Variants in SHLD1 observed in about 807,000 individuals in gnomAD.
SHLD1 encodes shieldin complex subunit 1.
SHLD1 carries 3 observed loss-of-function variants against 5.5 expected under a neutral mutation model. That is an observed-to-expected ratio of 0.54 (90% CI 0.25 to 1.40). The LOEUF (loss-of-function observed/expected upper bound fraction) is 1.40, where lower values mean the gene tolerates loss of function less well. SHLD1 is among the 40% of genes most tolerant of loss of function. The pLI, the probability that SHLD1 is intolerant of heterozygous loss-of-function variation, is 0.15. For synonymous variants in SHLD1, 92 were observed against 94.3 expected, an observed-to-expected ratio of 0.98 and a Z score of 0.14; for missense variants, 210 against 244.4, an observed-to-expected ratio of 0.86 and a Z score of 0.94.
At chr20:5,781,313 G>C (rs1482467670) in intron 2 of SHLD1, among the ~76,000 whole-genome samples, 1 of 152,114 alleles carries the variant, frequency 6.6e-6, no homozygotes, top group African/African-American at 2.4e-5. Context: ...TGGGAGGATT[G>C]CTTGAGCCCA....
intron 2 of SHLD1, among the ~76,000 whole-genome samples, chr20:5,840,462 A>G (rs755255335): frequency 8.5e-5 from 13 of 152,194 alleles, no homozygotes; most frequent in African/African-American, 3.1e-4. Context: ...GAGATGGGAC[A>G]TAGGACCTTC....
At chr20:5,764,139 A>T (rs60433587) in intron 1 of SHLD1, among the ~76,000 whole-genome samples, 31,640 of 95,168 alleles carry the variant, frequency 0.33, 6,972 homozygotes, top group East Asian at 0.63. Context: ...AAAAAAAAAA[A>T]ATATATATAT....
At chr20:5,861,409 C>T (rs1286097043) in intron 2 of SHLD1, among the ~76,000 whole-genome samples, 1 of 152,194 alleles carries the variant, frequency 6.6e-6, no homozygotes, top group Non-Finnish European at 1.5e-5. Flanking sequence ...AGATGAGGGA[C>T]ATGATCTTCA....
At chr20:5,764,135 A>ATAT (rs1467661351) in intron 1 of SHLD1, among the ~76,000 whole-genome samples, 46 of 96,236 alleles carry the variant, frequency 4.8e-4, no homozygotes, top group Middle Eastern at 4.6e-3. Context: ...TCAAAAAAAA[A>ATAT]AAAAATATAT....
At chr20:5,767,840 A>G (rs1984928661) in intron 1 of SHLD1, among the ~76,000 whole-genome samples, 1 of 152,166 alleles carries the variant, frequency 6.6e-6, no homozygotes, top group South Asian at 2.1e-4. Context: ...AGCTTAATTA[A>G]AGAGTCTTTG....
chr20:5,768,658 C>G (rs898339820), intron 1 of SHLD1, among the ~76,000 whole-genome samples: 1 of 152,224 alleles, frequency 6.6e-6, no homozygotes, highest in Non-Finnish European at 1.5e-5. Flanking sequence ...ATATACCCTT[C>G]TAGACATTTT....
intron 1 of SHLD1, among the ~76,000 whole-genome samples, chr20:5,752,255 G>A (rs545310858): frequency 9.2e-5 from 14 of 152,186 alleles, no homozygotes; most frequent in African/African-American, 3.1e-4. Flanking sequence ...AATTAGCCAG[G>A]CACGGTGGCG....
intron 2 of SHLD1, among the ~76,000 whole-genome samples, chr20:5,789,670 G>T (rs2087111446): frequency 6.6e-6 from 1 of 151,220 alleles, no homozygotes; most frequent in Admixed American, 6.6e-5. Context: ...ATTTCTCCTT[G>T]TTCTTCCCTG....
chr20:5,785,376 G>A (rs879669542), intron 2 of SHLD1, among the ~76,000 whole-genome samples: 9 of 152,116 alleles, frequency 5.9e-5, no homozygotes, highest in Non-Finnish European at 8.8e-5. Flanking sequence ...AGAGAGGCTC[G>A]TTTCATATTA....
At chr20:5,838,472 A>G (rs1354690983) in intron 2 of SHLD1, among the ~76,000 whole-genome samples, 1 of 152,232 alleles carries the variant, frequency 6.6e-6, no homozygotes, top group East Asian at 1.9e-4. Context: ...ATTAAAAGAT[A>G]AATTTTGGCA....
chr20:5,849,737 A>G (rs1298194058), intron 2 of SHLD1, among the ~76,000 whole-genome samples: 1 of 151,770 alleles, frequency 6.6e-6, no homozygotes, highest in Non-Finnish European at 1.5e-5. Context: ...AGGCGGGTGG[A>G]TCATGAGGTC....
chr20:5,758,356 GGA>G (rs1298824660), intron 1 of SHLD1, among the ~76,000 whole-genome samples: 245 of 129,516 alleles, frequency 1.9e-3, no homozygotes, highest in Non-Finnish European at 3.0e-3. Flanking sequence ...GGGAGGGGAA[GGA>G]GAGGGGGAGG....
At chr20:5,804,979 A>C (rs970925206) in intron 2 of SHLD1, among the ~76,000 whole-genome samples, 6 of 152,222 alleles carry the variant, frequency 3.9e-5, no homozygotes, top group Non-Finnish European at 8.8e-5. Flanking sequence ...GATCAGCTGA[A>C]GGAAAAACAA....
chr20:5,774,535 C>T (rs1985338431), intron 2 of SHLD1, among the ~76,000 whole-genome samples: 1 of 152,174 alleles, frequency 6.6e-6, no homozygotes, highest in Non-Finnish European at 1.5e-5. Flanking sequence ...AATTGGCTCA[C>T]AGTTCTGCAG....
chr20:5,780,947 A>G (rs1327350665), intron 2 of SHLD1, among the ~76,000 whole-genome samples: 1 of 152,230 alleles, frequency 6.6e-6, no homozygotes, highest in Non-Finnish European at 1.5e-5. Flanking sequence ...TAGCAAGGAC[A>G]TGAGACTTAA....
In SHLD1 at chr20:5,863,926, G is replaced by A. The variant is rs769936729; in HGVS notation, c.*463G>A. 6.5e-6 allele frequency: 1 copy of A among 154,076 alleles called. No homozygotes were observed. The highest frequency in any genetic ancestry group is 1.4e-5 in the Non-Finnish European group (1 of 69,540). The allele number at this position is 154,076 out of a possible 1,614,324, so 9.5% of individuals were successfully genotyped here. On this transcript the variant is annotated 3_prime_UTR_variant, in exon 3 of 3. Coordinates refer to ENST00000303142, the MANE Select transcript of SHLD1 (RefSeq NM_152504.4). Reference sequence around the variant, plus strand: ...CTTATATCTGAATCCTTGACTCAGAGTCTACTTCTGGGAGAATTCACCCTG... The same window carrying A: ...CTTATATCTGAATCCTTGACTCAGAATCTACTTCTGGGAGAATTCACCCTG...
intron 2 of SHLD1, among the ~76,000 whole-genome samples, chr20:5,836,826 C>G (rs965839215): frequency 2.3e-4 from 35 of 152,294 alleles, no homozygotes; most frequent in African/African-American, 8.2e-4. Context: ...TTTGAACTCA[C>G]AGCCAAAAAT....
chr20:5,773,870 A>G (rs1568495568), intron 2 of SHLD1, among the ~76,000 whole-genome samples: 2 of 152,120 alleles, frequency 1.3e-5, no homozygotes, highest in South Asian at 2.1e-4. Flanking sequence ...TTTTTCTGCC[A>G]TCGATGGGTG....
chr20:5,757,996 T>C (rs906178064), intron 1 of SHLD1, among the ~76,000 whole-genome samples: 2 of 152,144 alleles, frequency 1.3e-5, no homozygotes, highest in South Asian at 2.1e-4. Flanking sequence ...CTAGATTTGA[T>C]TTCTTGCGCT....
Sources: allele counts gnomAD v4.1 joint callset (sites outside exome capture counted in the v4.1 genomes callset), GRCh38; gene constraint gnomAD v4.1.1; transcripts MANE v1.5; gene names NCBI Gene and HGNC (gene_info 2026-07-23, HGNC 2026-07-21).